MTERF4: variants seen among roughly 807,000 people sequenced by gnomAD.
MTERF4 encodes mitochondrial transcription termination factor 4, also known as transcription termination factor 4, mitochondrial.
In MTERF4, 17 loss-of-function variants were observed where a neutral mutation model predicts 22.5. The ratio of observed to expected loss-of-function variants is 0.75; its 90% CI spans 0.52 to 1.13. MTERF4 has a LOEUF of 1.13. MTERF4 is among the 50% of genes most tolerant of loss of function. MTERF4 has a pLI of 0.00. For synonymous variants in MTERF4, 165 were observed against 175.3 expected (o/e 0.94, Z 0.47); for missense variants, 420 against 466.8 (o/e 0.90, Z 0.92).
downstream of MTERF4, among the ~76,000 whole-genome samples, chr2:241,068,260 A>G (rs1007788668): frequency 6.6e-6 from 1 of 151,938 alleles, no homozygotes; most frequent in African/African-American, 2.4e-5. The surrounding 1 kb of genome is among the most constrained non-coding windows in gnomAD (Gnocchi z 5.3). Flanking sequence ...TTGGCCCCTC[A>G]GAGAGCAGCG....
the MTERF4 span, chr2:241,051,679 G>C: frequency 7.9e-7 from 1 of 1,263,580 alleles, no homozygotes. This position sits in a 1 kb window ranked among gnomAD's most constrained non-coding sequence, Gnocchi z 4.7. Context: ...TGCCAGGAGG[G>C]TATAGTGGCT....
At chr2:241,062,517 G>T in the MTERF4 span, among the ~76,000 whole-genome samples, 1 of 152,100 alleles carries the variant, frequency 6.6e-6, no homozygotes, top group Non-Finnish European at 1.5e-5. Context: ...TGTCCTGTCG[G>T]CCTGAACCAC....
In MTERF4 at chr2:241,073,206, C is replaced by T. The variant is rs540956311; in HGVS notation, n.2956G>A. On this transcript the variant is annotated non_coding_transcript_exon_variant, in exon 5 of 5. Transcript: ENST00000464344. The surrounding 1 kb of genome is among the most constrained non-coding windows in gnomAD (Gnocchi z 6.6). Reference sequence around the variant, plus strand: ...TATAGAAGCACTCAAAAGGGTGGCCCCAGGACCATCCCGGGTGCAAAGCAG... The same window carrying T: ...TATAGAAGCACTCAAAAGGGTGGCCTCAGGACCATCCCGGGTGCAAAGCAG... 1.8e-4 allele frequency: 240 copies of T among 1,318,432 alleles called. No homozygotes were observed. The highest frequency in any genetic ancestry group is 2.5e-4 in the Non-Finnish European group (233 of 940,152). The allele number at this position is 1,318,432 out of a possible 1,614,324, so 81.7% of individuals were successfully genotyped here.
chr2:241,055,601 G>A, the MTERF4 span, among the ~76,000 whole-genome samples: 2 of 152,218 alleles, frequency 1.3e-5, no homozygotes, highest in African/African-American at 4.8e-5. Context: ...TGAGGAGGCA[G>A]AGAAGTTGAG....
chr2:241,077,238 G>A (rs369565047), intron 4 of MTERF4, among the ~76,000 whole-genome samples: 1 of 152,156 alleles, frequency 6.6e-6, no homozygotes, highest in Non-Finnish European at 1.5e-5. Context: ...TGAGGCCGGA[G>A]CCCTCGTACC....
chr2:241,085,705 G>GT (rs2063537848), downstream of MTERF4, among the ~76,000 whole-genome samples: 1 of 147,160 alleles, frequency 6.8e-6, no homozygotes. Context: ...GGATTTGTTT[G>GT]TTTGTTTGTT....
At chr2:241,049,506 C>T in the MTERF4 span, among the ~76,000 whole-genome samples, 1 of 152,194 alleles carries the variant, frequency 6.6e-6, no homozygotes, top group African/African-American at 2.4e-5. Flanking sequence ...ACTTGCATCA[C>T]GTATAGTTAT....
At chr2:241,053,695 G>A in the MTERF4 span, among the ~76,000 whole-genome samples, 3 of 152,178 alleles carry the variant, frequency 2.0e-5, no homozygotes, top group African/African-American at 7.2e-5. Flanking sequence ...CTGGCCCCTT[G>A]AAGACTTGTG....
intron 4 of MTERF4, chr2:241,081,659 C>G: frequency 6.4e-7 from 1 of 1,559,764 alleles, no homozygotes; most frequent in East Asian, 2.3e-5. Flanking sequence ...ACTAACCTCT[C>G]GTGACCTCTG....
Position 241,096,061 on chromosome 2 carries a change from ATCG to A in MTERF4, c.1080_1082del (p.Asp362del). ...CCTCCGCCTCGTCGTCGTCCTCATCATCGTCATCCTCATCATTGTCATCCTCAT... is the reference window on the plus strand; with the variant it reads ...CCTCCGCCTCGTCGTCGTCCTCATCATCATCCTCATCATTGTCATCCTCAT... On this transcript the variant is annotated inframe_deletion, in exon 4 of 4. Transcript: ENST00000391980. This position sits in a 1 kb window ranked among gnomAD's most constrained non-coding sequence, Gnocchi z 5.1. 1 of 1,612,802 alleles carries A rather than the reference ATCG, an allele frequency of 6.2e-7. No individual in the cohort carries two copies. The highest frequency in any genetic ancestry group is 8.5e-7 in the Non-Finnish European group (1 of 1,179,506).
chr2:241,078,117 G>A (rs2063120107), intron 4 of MTERF4, among the ~76,000 whole-genome samples: 1 of 152,174 alleles, frequency 6.6e-6, no homozygotes, highest in Non-Finnish European at 1.5e-5. Flanking sequence ...GGGCGCGGTG[G>A]CTCACGCCTG....
the MTERF4 span, among the ~76,000 whole-genome samples, chr2:241,057,380 AATATATATATATATATATAT>A: frequency 2.1e-4 from 25 of 118,132 alleles, no homozygotes; most frequent in African/African-American, 9.2e-4. Context: ...TCCATCTCAA[AATATATATATATATATATAT>A]ATATATATAT....
rs918051358 is a variant in MTERF4, at chr2:241,073,952, C to G, written n.2210G>C. 6.4e-6 allele frequency: 1 copy of G among 156,526 alleles called. No individual in the cohort carries two copies. The highest frequency in any genetic ancestry group is 2.4e-5 in the African/African-American group (1 of 41,544). The allele number at this position is 156,526 out of a possible 1,614,324, so 9.7% of individuals were successfully genotyped here. On this transcript the variant is annotated non_coding_transcript_exon_variant, in exon 5 of 5. Transcript: ENST00000464344. The surrounding 1 kb of genome is among the most constrained non-coding windows in gnomAD (Gnocchi z 6.6). ...TTCCCAGACGCTCACGAGGCAGTTC[C>G]CCTTCGGGCAGCACCAATACATGTG...
intron 4 of MTERF4, among the ~76,000 whole-genome samples, chr2:241,080,224 C>T (rs1046561195): frequency 6.6e-6 from 1 of 152,158 alleles, no homozygotes; most frequent in Non-Finnish European, 1.5e-5. Context: ...GCAGAGGTTA[C>T]AGTGAGCTGA....
chr2:241,043,328 A>G, the MTERF4 span, among the ~76,000 whole-genome samples: 1 of 152,340 alleles, frequency 6.6e-6, no homozygotes, highest in East Asian at 1.9e-4. Context: ...GTCAAAAACA[A>G]TGCAAGCCAG....
chr2:241,084,375 A>AACTC (rs1265625595), downstream of MTERF4, among the ~76,000 whole-genome samples: 1 of 152,042 alleles, frequency 6.6e-6, no homozygotes, highest in African/African-American at 2.4e-5. Flanking sequence ...GCTGGTCTCA[A>AACTC]ACTCATGACC....
chr2:241,050,966 G>T, the MTERF4 span, among the ~76,000 whole-genome samples: 1 of 152,240 alleles, frequency 6.6e-6, no homozygotes, highest in Admixed American at 6.5e-5. Context: ...TGAGCACACA[G>T]GCCACCAATG....
chr2:241,100,296 GAAC>G (rs2064643958), intron 1 of MTERF4, among the ~76,000 whole-genome samples: 2 of 152,100 alleles, frequency 1.3e-5, no homozygotes, highest in Admixed American at 6.5e-5. Flanking sequence ...GTTGGCCCTT[GAAC>G]AACAAGGGTT....
Position 241,096,152 on chromosome 2 carries a change from G to A in MTERF4, c.992C>T (p.Thr331Ile), listed in dbSNP as rs138434492. ...AREEEESESS[T>I]SDDKRASLDE... Reference sequence around the variant, plus strand: ...CAGACTTGCCCTTTTGTCATCAGATGTGCTGCTCTCAGACTCCTCCTCCTC... The same window carrying A: ...CAGACTTGCCCTTTTGTCATCAGATATGCTGCTCTCAGACTCCTCCTCCTC... Residue 331 changes from threonine (T) to isoleucine (I), a missense_variant, in exon 4 of 4, where the codon ACA becomes ATA. By Grantham distance (89) the Thr-to-Ile change is moderately conservative. Transcript: ENST00000391980. The surrounding 1 kb of genome is among the most constrained non-coding windows in gnomAD (Gnocchi z 5.1). 1.3e-4 allele frequency: 214 copies of A among 1,613,934 alleles called. 3 individuals are homozygous for A. Among genetic ancestry groups the A allele is most frequent in the Non-Finnish European group, 1.7e-5 (20 of 1,180,036 alleles).
Sources: allele counts gnomAD v4.1 joint callset (sites outside exome capture counted in the v4.1 genomes callset), GRCh38; gene constraint gnomAD v4.1.1; non-coding constraint Gnocchi (gnomAD v3.1); transcripts MANE v1.5; gene names NCBI Gene and HGNC (gene_info 2026-07-23, HGNC 2026-07-21).